SVIL: variants seen among roughly 807,000 people sequenced by gnomAD.
SVIL encodes the protein supervillin.
SVIL carries 101 observed loss-of-function variants against 240.4 expected under a neutral mutation model. The observed-to-expected ratio is 0.42, with a 90% CI of 0.36 to 0.50. The LOEUF (loss-of-function observed/expected upper bound fraction) is 0.50, where lower values mean the gene tolerates loss of function less well. Among genes scored for constraint, SVIL ranks in the 20% least tolerant of loss-of-function variants. SVIL has a pLI of 0.01. For synonymous variants in SVIL, 999 were observed against 1,100.0 expected, an observed-to-expected ratio of 0.91 and a Z score of 1.82; for missense variants, 2,512 against 2,818.7, an observed-to-expected ratio of 0.89 and a Z score of 2.46.
At chr10:29,492,937 C>A (rs1948104998) in intron 21 of SVIL, among the ~76,000 whole-genome samples, 1 of 152,118 alleles carries the variant, frequency 6.6e-6, no homozygotes, top group African/African-American at 2.4e-5. Flanking sequence ...TGTGAAAAAT[C>A]CAGTGACGCC....
chr10:29,494,832 T>G (rs1455656346), intron 20 of SVIL, 82 bp downstream of exon 20: 23 of 1,417,954 alleles, frequency 1.6e-5, no homozygotes, highest in Non-Finnish European at 2.2e-5. Flanking sequence ...CAAAACTTCT[T>G]TTTTTTGGCT....
intron 1 of SVIL, among the ~76,000 whole-genome samples, chr10:29,693,940 T>TATACATACATAC (rs56135685): frequency 1.3e-5 from 2 of 151,642 alleles, no homozygotes; most frequent in Non-Finnish European, 2.9e-5. Flanking sequence ...TAGATACATA[T>TATACATACATAC]ATACATACAT....
Position 29,488,586 on chromosome 10 carries a change from G to A in SVIL, c.4348+15C>T, listed in dbSNP as rs1462552266. 1.3e-6 allele frequency: 2 copies of A among 1,570,396 alleles called. No individual in the cohort carries two copies. The highest frequency in any genetic ancestry group is 4.0e-5 in the Admixed American group (2 of 50,330). ...CACGGGCCCTGAGTCACCGTGCCAG[G>A]CTGCTCTGAAATACCTTTAATCTGC... On this transcript the variant is annotated intron_variant, in intron 23 of 37. Transcript: ENST00000355867.
At chr10:29,716,318 C>T (rs1963608375) in intron 1 of SVIL, among the ~76,000 whole-genome samples, 1 of 152,022 alleles carries the variant, frequency 6.6e-6, no homozygotes, top group African/African-American at 2.4e-5. Context: ...ATAAATATGG[C>T]CAATTTTTCT....
At chr10:29,500,745 G>A (rs569535059) in intron 17 of SVIL, among the ~76,000 whole-genome samples, 7 of 152,220 alleles carry the variant, frequency 4.6e-5, no homozygotes, top group Admixed American at 2.0e-4. Context: ...CTAAGGCCTC[G>A]CGCTGACACA....
chr10:29,619,181 G>C (rs750569199), intron 1 of SVIL, among the ~76,000 whole-genome samples: 12 of 152,138 alleles, frequency 7.9e-5, no homozygotes, highest in Non-Finnish European at 1.8e-4. Flanking sequence ...TATTCCCCCA[G>C]TCATCCACGT....
intron 6 of SVIL, among the ~76,000 whole-genome samples, chr10:29,546,396 A>C (rs202086079): frequency 6.6e-6 from 1 of 152,236 alleles, no homozygotes; most frequent in Admixed American, 6.5e-5. Flanking sequence ...AATGTGTCCA[A>C]CTGAATTCCT....
At chr10:29,683,706 G>A (rs537363030) in intron 2 of SVIL, among the ~76,000 whole-genome samples, 6 of 152,024 alleles carry the variant, frequency 3.9e-5, no homozygotes, top group Middle Eastern at 3.4e-3. Context: ...CTTCTCCCTC[G>A]GGCAGATTTT....
At chr10:29,540,236 G>A (rs184067711) in intron 6 of SVIL, among the ~76,000 whole-genome samples, 17 of 152,130 alleles carry the variant, frequency 1.1e-4, no homozygotes, top group Admixed American at 2.6e-4. Flanking sequence ...GGCCCTCCCC[G>A]ATCTGTGGTC....
chr10:29,711,645 A>T (rs7894272), intron 1 of SVIL, among the ~76,000 whole-genome samples: 28,325 of 151,784 alleles, frequency 0.19, 2,124 homozygotes, highest in Middle Eastern at 0.24. Flanking sequence ...CTGTAATCCC[A>T]ACTACTCAGG....
At position 29,551,013 on chromosome 10, in the gene SVIL, G is replaced by C. The variant is rs113277580; in HGVS notation, c.411C>G (p.Thr137=). ...EADSEYLSRY[T]KSRKEPDAVE... is the part of the protein sequence containing the mutation. ...CAGCATCAGGCTCCTTCCTGGACTT[G>C]GTATAGCGGGATAAATACTCGGAGT... Residue 137 remains threonine (T), a synonymous_variant, in exon 6 of 38, where the codon ACC becomes ACG. Transcript: ENST00000355867. 1.5e-5 allele frequency: 25 copies of C among 1,614,106 alleles called. No individual in the cohort carries two copies. The highest frequency in any genetic ancestry group is 1.5e-4 in the African/African-American group (11 of 75,018).
chr10:29,695,693 G>A (rs946438731), intron 1 of SVIL, among the ~76,000 whole-genome samples: 2 of 152,050 alleles, frequency 1.3e-5, no homozygotes, highest in Non-Finnish European at 2.9e-5. Flanking sequence ...GCAATGAACC[G>A]AGATTGCACC....
At chr10:29,643,937 A>C (rs1450090306) in intron 3 of SVIL, 4 of 514,722 alleles carry the variant, frequency 7.8e-6, no homozygotes, top group Non-Finnish European at 1.5e-5. Flanking sequence ...ACCGTGGTTT[A>C]TGAGTCCTGG....
chr10:29,632,936 T>C (rs781043061), intron 1 of SVIL, among the ~76,000 whole-genome samples: 2 of 152,148 alleles, frequency 1.3e-5, no homozygotes, highest in East Asian at 3.9e-4. Context: ...CCCTGGATCC[T>C]CAAGACATCA....
intron 1 of SVIL, among the ~76,000 whole-genome samples, chr10:29,706,428 T>C (rs902654607): frequency 2.0e-5 from 3 of 152,248 alleles, no homozygotes; most frequent in Non-Finnish European, 4.4e-5. Flanking sequence ...TTTTTTCATA[T>C]GTTTGTTGGC....
chr10:29,538,306 C>T (rs1398821578), intron 6 of SVIL, among the ~76,000 whole-genome samples: 1 of 152,174 alleles, frequency 6.6e-6, no homozygotes, highest in Non-Finnish European at 1.5e-5. Flanking sequence ...AATGGAAATC[C>T]CACACAGACA....
chr10:29,649,178 G>A (rs1958761069), intron 3 of SVIL, among the ~76,000 whole-genome samples: 1 of 151,824 alleles, frequency 6.6e-6, no homozygotes, highest in Non-Finnish European at 1.5e-5. Flanking sequence ...AATAAAAGCA[G>A]GGTTTCTTTT....
rs1452035032 is a variant in SVIL at position 29,626,233 on chromosome 10, A to G, written c.-201+8187T>C. On this transcript the variant is annotated intron_variant, in intron 1 of 37. Coordinates refer to ENST00000355867, the MANE Select transcript of SVIL (RefSeq NM_021738.3). ...GTTATGGCCCCTACATCAGACACAC[A>G]TAACTATGTGAAACCATGGTAGGTA... Among the ~76,000 whole-genome samples, 3 of 152,196 alleles carry G rather than the reference A, an allele frequency of 2.0e-5. No individual in the cohort carries two copies. The East Asian group carries it at 5.8e-4, about 29-fold the overall frequency.
At chr10:29,610,610 G>A (rs1377542015) in intron 1 of SVIL, among the ~76,000 whole-genome samples, 10 of 152,066 alleles carry the variant, frequency 6.6e-5, no homozygotes, top group Middle Eastern at 3.4e-3. Flanking sequence ...TAGTAGAGAC[G>A]AGGTTTCACC....
Sources: gnomAD v4.1 joint callset for allele counts (sites outside exome capture counted in the v4.1 genomes callset) on GRCh38, gnomAD v4.1.1 for gene constraint, MANE v1.5 for transcripts, NCBI Gene and HGNC (gene_info 2026-07-23, HGNC 2026-07-21) for gene names.